NAV3: variants seen among roughly 807,000 people sequenced by gnomAD.
NAV3 encodes pore membrane and/or filament interacting like protein 1.
In NAV3, 87 loss-of-function variants were observed where a neutral mutation model predicts 244.7. The ratio of observed to expected loss-of-function variants is 0.36; its 90% CI spans 0.30 to 0.42. The LOEUF is 0.42. NAV3 is among the 20% of genes least tolerant of loss of function. The pLI is 1.00. For synonymous variants in NAV3, 1,126 were observed against 1,042.2 expected, an observed-to-expected ratio of 1.08 and a Z score of -1.55; for missense variants, 2,663 against 2,893.3, an observed-to-expected ratio of 0.92 and a Z score of 1.83.
intron 2 of NAV3, among the ~76,000 whole-genome samples, chr12:77,778,810 AAAAGG>A (rs1870521882): frequency 1.3e-5 from 2 of 152,164 alleles, no homozygotes; most frequent in Admixed American, 6.5e-5. Flanking sequence ...TCTCTTTGGT[AAAAGG>A]CAGAATATTT....
chr12:77,706,217 G>C (rs1875792474), intron 2 of NAV3, among the ~76,000 whole-genome samples: 1 of 151,370 alleles, frequency 6.6e-6, no homozygotes, highest in Non-Finnish European at 1.5e-5. Context: ...AAAGAGCCTA[G>C]TTAATCATTT....
intron 22 of NAV3, among the ~76,000 whole-genome samples, chr12:78,158,347 A>C (rs758046112): frequency 6.6e-6 from 1 of 152,170 alleles, no homozygotes; most frequent in Non-Finnish European, 1.5e-5. Flanking sequence ...GTGGTGAGAG[A>C]TTGAAGTGCC....
At chr12:77,717,983 A>G (rs965466266) in intron 2 of NAV3, among the ~76,000 whole-genome samples, 1 of 152,152 alleles carries the variant, frequency 6.6e-6, no homozygotes, top group Non-Finnish European at 1.5e-5. Flanking sequence ...TTAACCCTGT[A>G]TCAGATATGT....
chr12:77,904,997 A>G lies in NAV3; in HGVS notation c.244-35322A>G, dbSNP rs188652580. ...AGCGATTTGAAATGAGTATGTATTC[A>G]ATGCAGAAATCAGTTATTCTCATAT... On this transcript the variant is annotated intron_variant, in intron 1 of 39. Transcript: ENST00000397909. 1.7e-3 allele frequency among the ~76,000 whole-genome samples: 252 copies of G among 152,284 alleles called. 1 individual carries two copies. Among genetic ancestry groups the G allele is most frequent in the Non-Finnish European group, 2.4e-3 (162 of 68,020 alleles).
chr12:78,171,238 T>C (rs917446808), intron 24 of NAV3, among the ~76,000 whole-genome samples: 7 of 151,700 alleles, frequency 4.6e-5, no homozygotes, highest in African/African-American at 1.7e-4. Context: ...TTAAAGCTTA[T>C]CTTAGAGCTA....
rs1015211361 is a variant in NAV3, at chr12:77,819,862, T to G, written c.73-120457T>G. On this transcript the variant is annotated intron_variant, in intron 2 of 8. Transcript: ENST00000550042. The stretch of plus-strand genomic sequence containing the variant: ...AAGATATTTTAGGGCAACATATGTG[T>G]GGTTCGTAAAACCAATAAGCAGGGT... Among the ~76,000 whole-genome samples, 5 of 152,296 alleles carry G rather than the reference T, an allele frequency of 3.3e-5. No individual in the cohort carries two copies. The East Asian group carries it at 9.6e-4, about 29-fold the overall frequency.
chr12:78,165,161 T>A (rs2139495586), intron 23 of NAV3, among the ~76,000 whole-genome samples: 1 of 152,146 alleles, frequency 6.6e-6, no homozygotes, highest in Admixed American at 6.6e-5. Context: ...TCAGCTGGTG[T>A]TGGGGGCATC....
In NAV3 at chr12:78,024,832, A is replaced by C. The variant is rs371152180; in HGVS notation, c.2023+2970A>C. On this transcript the variant is annotated intron_variant, in intron 9 of 39. Coordinates refer to ENST00000397909, the MANE Select transcript of NAV3 (RefSeq NM_001024383.2). ...CTACTAAAAATACAAAAAAATAGCCAGGCATGGTGGCGGGCGCCTGTAGTC... is the reference window on the plus strand; with the variant it reads ...CTACTAAAAATACAAAAAAATAGCCCGGCATGGTGGCGGGCGCCTGTAGTC... Among the ~76,000 whole-genome samples the C allele has an allele frequency of 4.4e-4, 67 of 152,098 alleles. No individual in the cohort carries two copies. The South Asian group carries it at 9.8e-3, about 22-fold the overall frequency.
chr12:77,897,012 AC>A (rs1172204004), intron 1 of NAV3, among the ~76,000 whole-genome samples: 1 of 152,166 alleles, frequency 6.6e-6, no homozygotes, highest in Non-Finnish European at 1.5e-5. Context: ...CATGGGCATC[AC>A]CTGAGAGCTT....
chr12:77,985,683 TA>T (rs1870385052), intron 5 of NAV3, among the ~76,000 whole-genome samples: 1 of 152,174 alleles, frequency 6.6e-6, no homozygotes, highest in African/African-American at 2.4e-5. Flanking sequence ...TTATTGTACG[TA>T]GAACAACTCA....
At chr12:77,770,398 C>T (rs964938408) in intron 2 of NAV3, among the ~76,000 whole-genome samples, 2 of 152,110 alleles carry the variant, frequency 1.3e-5, no homozygotes, top group African/African-American at 4.8e-5. Context: ...AGATGGATGT[C>T]ATTGAGTTTG....
chr12:77,580,210 T>G (rs531628855), intron 2 of NAV3, among the ~76,000 whole-genome samples: 2 of 136,022 alleles, frequency 1.5e-5, no homozygotes, highest in African/African-American at 2.7e-5. Flanking sequence ...TATTTGGGGG[T>G]AGGGTGGGAA....
At chr12:77,982,653 C>T (rs998943656) in intron 5 of NAV3, among the ~76,000 whole-genome samples, 11 of 152,100 alleles carry the variant, frequency 7.2e-5, no homozygotes, top group South Asian at 4.2e-4. Context: ...AAAACAGTAA[C>T]CATTTTACGA....
At chr12:78,160,841 T>C (rs392318) in intron 23 of NAV3, among the ~76,000 whole-genome samples, 29,654 of 151,576 alleles carry the variant, frequency 0.2, 3,228 homozygotes, top group Admixed American at 0.3. Flanking sequence ...AATTTTCCTT[T>C]CTTTCCTCCC....
At chr12:77,572,689 T>C (rs1868883813) in intron 2 of NAV3, among the ~76,000 whole-genome samples, 1 of 152,202 alleles carries the variant, frequency 6.6e-6, no homozygotes, top group African/African-American at 2.4e-5. Flanking sequence ...TCTAATTTCA[T>C]ATCCTTGGGA....
intron 2 of NAV3, among the ~76,000 whole-genome samples, chr12:77,683,448 G>GT (rs749985697): frequency 2.0e-5 from 3 of 151,994 alleles, no homozygotes; most frequent in Non-Finnish European, 4.4e-5. Flanking sequence ...TGGTAGTCAG[G>GT]TAATATGATG....
chr12:77,872,937 T>C (rs757750472), intron 1 of NAV3, among the ~76,000 whole-genome samples: 2 of 152,230 alleles, frequency 1.3e-5, no homozygotes, highest in Non-Finnish European at 2.9e-5. Flanking sequence ...TCATCTTGAT[T>C]GTAGCTCCCA....
chr12:78,178,963 C>A (rs445975), intron 28 of NAV3, among the ~76,000 whole-genome samples: 1 of 151,864 alleles, frequency 6.6e-6, no homozygotes, highest in Non-Finnish European at 1.5e-5. Context: ...TCAGCTGAGC[C>A]CAGTAGGGAG....
intron 2 of NAV3, among the ~76,000 whole-genome samples, chr12:77,637,397 C>A (rs938807543): frequency 2.6e-5 from 4 of 152,108 alleles, no homozygotes; most frequent in African/African-American, 7.2e-5. Flanking sequence ...TTCTATACTT[C>A]TTTGTCTTCA....
Sources: gnomAD v4.1 joint callset for allele counts (sites outside exome capture counted in the v4.1 genomes callset) on GRCh38, gnomAD v4.1.1 for gene constraint, MANE v1.5 for transcripts, NCBI Gene and HGNC (gene_info 2026-07-23, HGNC 2026-07-21) for gene names.